PTPRD: variants seen among roughly 807,000 people sequenced by gnomAD.
PTPRD encodes receptor-type tyrosine-protein phosphatase delta.
A neutral mutation model predicts 214.5 loss-of-function variants in PTPRD; 34 were observed. The observed-to-expected ratio is 0.16, with a 90% CI of 0.12 to 0.21. The LOEUF is 0.21. Among genes scored for constraint, PTPRD ranks in the 10% least tolerant of loss-of-function variants. The pLI, the probability that PTPRD is intolerant of heterozygous loss-of-function variation, is 1.00. For missense variants in PTPRD, 2,545 were observed against 2,398.7 expected (o/e 1.06, Z -1.27); for synonymous variants, 1,128 against 845.7 (o/e 1.33, Z -5.79).
intron 10 of PTPRD, among the ~76,000 whole-genome samples, chr9:9,072,787 G>T (rs536090555): frequency 6.6e-6 from 1 of 152,258 alleles, no homozygotes; most frequent in South Asian, 2.1e-4. Context: ...TAAACACTAT[G>T]TTAGAATGTT....
chr9:9,873,150 G>A (rs187251078), intron 5 of PTPRD, among the ~76,000 whole-genome samples: 2 of 152,088 alleles, frequency 1.3e-5, no homozygotes, highest in South Asian at 2.1e-4. Context: ...AAGATCCGAC[G>A]AAGAAATATT....
chr9:9,897,846 G>A (rs887024719), intron 5 of PTPRD, among the ~76,000 whole-genome samples: 1 of 152,054 alleles, frequency 6.6e-6, no homozygotes, highest in African/African-American at 2.4e-5. Context: ...GCATTGGTAA[G>A]CTTTCCTCTG....
intron 4 of PTPRD, among the ~76,000 whole-genome samples, chr9:10,012,678 G>C (rs1407632131): frequency 6.6e-6 from 1 of 151,878 alleles, no homozygotes; most frequent in East Asian, 1.9e-4. Flanking sequence ...TCAGTGTAAG[G>C]TTTTACACCT....
At chr9:9,576,318 T>C (rs2088773266) in intron 7 of PTPRD, among the ~76,000 whole-genome samples, 1 of 152,190 alleles carries the variant, frequency 6.6e-6, no homozygotes, top group African/African-American at 2.4e-5. Flanking sequence ...GTTTCTCTTT[T>C]TGATGAAATG....
At chr9:10,203,636 C>G (rs1405666373) in intron 3 of PTPRD, among the ~76,000 whole-genome samples, 1 of 152,070 alleles carries the variant, frequency 6.6e-6, no homozygotes, top group Admixed American at 6.6e-5. Flanking sequence ...ATCATTTATT[C>G]CACTATTCCA....
At chr9:10,215,675 C>T (rs2099537907) in intron 3 of PTPRD, among the ~76,000 whole-genome samples, 1 of 151,852 alleles carries the variant, frequency 6.6e-6, no homozygotes. Flanking sequence ...TTTGCATATG[C>T]ATATCAATAA....
chr9:9,970,783 C>T (rs535135493), intron 4 of PTPRD, among the ~76,000 whole-genome samples: 1 of 152,264 alleles, frequency 6.6e-6, no homozygotes, highest in East Asian at 1.9e-4. Flanking sequence ...ATCAGTATCA[C>T]TGTTTCTACA....
chr9:8,521,983 C>G (rs140847267), intron 19 of PTPRD, among the ~76,000 whole-genome samples: 10 of 152,332 alleles, frequency 6.6e-5, no homozygotes, highest in Non-Finnish European at 1.5e-4. Flanking sequence ...GTGCTGTGCA[C>G]TTCCAGTTGA....
chr9:10,050,321 A>G (rs2097505973), intron 3 of PTPRD, among the ~76,000 whole-genome samples: 1 of 151,794 alleles, frequency 6.6e-6, no homozygotes, highest in Non-Finnish European at 1.5e-5. Flanking sequence ...GCACTTTGGG[A>G]GGCTGAGGAG....
intron 9 of PTPRD, among the ~76,000 whole-genome samples, chr9:9,271,638 G>C (rs1300905738): frequency 6.6e-6 from 1 of 151,372 alleles, no homozygotes; most frequent in African/African-American, 2.4e-5. Context: ...GCAACTCAGA[G>C]AATTTCTATA....
chr9:9,048,682 G>C (rs930062220), intron 10 of PTPRD, among the ~76,000 whole-genome samples: 2 of 152,088 alleles, frequency 1.3e-5, no homozygotes, highest in Non-Finnish European at 2.9e-5. Flanking sequence ...GTGGCAGTGG[G>C]GCAGGTGGGG....
intron 4 of PTPRD, among the ~76,000 whole-genome samples, chr9:9,967,332 C>G (rs929133684): frequency 6.6e-6 from 1 of 152,044 alleles, no homozygotes; most frequent in Non-Finnish European, 1.5e-5. Flanking sequence ...GAAATAAAGG[C>G]CCTTAACAAC....
At chr9:8,767,458 A>C (rs1195093343) in intron 11 of PTPRD, among the ~76,000 whole-genome samples, 1 of 151,922 alleles carries the variant, frequency 6.6e-6, no homozygotes, top group Non-Finnish European at 1.5e-5. Flanking sequence ...GTACAACTCT[A>C]CTCAAAGATC....
At chr9:9,275,128 TTATATATAATATATATATAATATATTA>T (rs1429245717) in intron 9 of PTPRD, among the ~76,000 whole-genome samples, 922 of 49,766 alleles carry the variant, frequency 0.019, 26 homozygotes, top group African/African-American at 0.065. Flanking sequence ...ATTATATATA[TTATATATAATATATATATAATATATTA>T]TATATATAAC....
At chr9:8,554,548 C>G (rs2083139017) in intron 14 of PTPRD, among the ~76,000 whole-genome samples, 1 of 152,182 alleles carries the variant, frequency 6.6e-6, no homozygotes, top group Admixed American at 6.5e-5. Flanking sequence ...AGTGGTTTGA[C>G]TGACACAGAG....
At position 8,510,680 on chromosome 9, in the gene PTPRD, A is replaced by G. The variant is rs1440443206; in HGVS notation, c.1544-3246T>C. Among the ~76,000 whole-genome samples, 81 of 152,234 alleles carry G rather than the reference A, an allele frequency of 5.3e-4. No homozygotes were observed. The Middle Eastern group carries it at 0.01, about 19-fold the overall frequency. ...ATGATCTCAGGCTCCAGGCTCATCA[A>G]TGGCTTAAGAGTGCACTACCCACAC... On this transcript the variant is annotated intron_variant, in intron 21 of 45. Transcript: ENST00000381196.
intron 11 of PTPRD, among the ~76,000 whole-genome samples, chr9:8,887,440 G>T (rs1020433046): frequency 1.3e-4 from 20 of 152,328 alleles, no homozygotes; most frequent in African/African-American, 4.6e-4. Flanking sequence ...GTCACTGGGT[G>T]AGCAAAAGTT....
At chr9:9,379,196 G>T (rs1031731906) in intron 9 of PTPRD, among the ~76,000 whole-genome samples, 3 of 145,192 alleles carry the variant, frequency 2.1e-5, no homozygotes, top group African/African-American at 5.1e-5. Context: ...TCTATGTTGA[G>T]ATATATATAT....
chr9:10,368,523 T>C (rs779798252), intron 2 of PTPRD, among the ~76,000 whole-genome samples: 8 of 152,100 alleles, frequency 5.3e-5, no homozygotes, highest in Non-Finnish European at 8.8e-5. Flanking sequence ...ATTAGAGGTG[T>C]TTATTTGAAA....
Sources: gnomAD v4.1 joint callset for allele counts (sites outside exome capture counted in the v4.1 genomes callset) on GRCh38, gnomAD v4.1.1 for gene constraint, MANE v1.5 for transcripts, NCBI Gene and HGNC (gene_info 2026-07-23, HGNC 2026-07-21) for gene names.